Variants in PHF8 observed in about 807,000 individuals in gnomAD.
The protein encoded by PHF8 is PHD finger protein 8, also known as histone lysine demethylase PHF8.
Under a neutral mutation model 74.4 loss-of-function variants are expected in PHF8, and 9 were observed. That is an observed-to-expected ratio of 0.12 (90% confidence interval 0.07 to 0.21). The LOEUF (loss-of-function observed/expected upper bound fraction) is 0.21, where lower values mean the gene tolerates loss of function less well. Ranked by LOEUF, PHF8 falls within the 10% of genes least tolerant of loss-of-function variation. PHF8 has a pLI of 1.00. For missense variants in PHF8, 478 were observed against 816.6 expected (o/e 0.59, Z 5.05); for synonymous variants, 311 against 316.6 (o/e 0.98, Z 0.19).
At chrX:54,044,942 T>C, upstream of PHF8, 2 of 1,070,688 alleles carry the variant, frequency 1.9e-6, no homozygotes, top group East Asian at 6.6e-5. Context: ...CGTTGTTGGT[T>C]CTTCCCCCTG....
Position 54,014,518 on chromosome X carries a change from T to C in PHF8, c.642A>G (p.Ser214=). The C allele has an allele frequency of 8.3e-7, 1 of 1,209,147 alleles. No homozygotes were observed. The change falls in exon 7 of 22, where the codon TCA becomes TCG. Residue 214 remains serine, a synonymous_variant. Transcript: ENST00000338154. ...CCTCTGGCCACAAGTTTTCGACCCA[T>C]GACAGCTTTCGAACAATCTTCGGTG... ...VETPKIVRKL[S]WVENLWPEEC... is the part of the protein sequence containing the mutation.
chrX:54,033,223 C>T (rs1557113059), intron 2 of PHF8, among the ~76,000 whole-genome samples: 1 of 110,902 alleles, frequency 9.0e-6, no homozygotes, highest in African/African-American at 3.3e-5. Context: ...GACATAATGC[C>T]CCAAATGTCC....
intron 19 of PHF8, among the ~76,000 whole-genome samples, chrX:53,946,481 T>C (rs2064833829): frequency 1.8e-5 from 2 of 112,335 alleles, no homozygotes; most frequent in Non-Finnish European, 3.8e-5. Flanking sequence ...GCAGACATTC[T>C]ACAAGATAAA....
At chrX:54,033,989 G>C (rs1557113290) in intron 2 of PHF8, among the ~76,000 whole-genome samples, 1 of 111,107 alleles carries the variant, frequency 9.0e-6, no homozygotes, top group African/African-American at 3.3e-5. Context: ...AGAAGATATA[G>C]AAAAGAATCT....
chrX:54,046,023 A>AC (rs782742144), upstream of PHF8, among the ~76,000 whole-genome samples: 44 of 108,544 alleles, frequency 4.1e-4, 1 homozygote, highest in South Asian at 0.017. Context: ...GTCATAGCTC[A>AC]CTGCACCCTA....
At chrX:54,019,394 T>C (rs2066127402) in intron 4 of PHF8, among the ~76,000 whole-genome samples, 1 of 107,965 alleles carries the variant, frequency 9.3e-6, no homozygotes, top group African/African-American at 3.4e-5. Flanking sequence ...GCTAGGGAGG[T>C]CAGGGCTGCA....
intron 14 of PHF8, among the ~76,000 whole-genome samples, chrX:53,989,256 G>A (rs187663739): frequency 9.3e-4 from 103 of 110,899 alleles, no homozygotes; most frequent in Non-Finnish European, 1.6e-3. Flanking sequence ...CCACTGCACC[G>A]GGCCACAATT....
At chrX:53,975,010 G>A (rs983959342) in intron 18 of PHF8, among the ~76,000 whole-genome samples, 1 of 111,456 alleles carries the variant, frequency 9.0e-6, no homozygotes, top group Non-Finnish European at 1.9e-5. Context: ...CATGGCACAC[G>A]TTTACCTATG....
At chrX:54,035,368 G>A (rs1557113775) in intron 2 of PHF8, among the ~76,000 whole-genome samples, 1 of 106,785 alleles carries the variant, frequency 9.4e-6, no homozygotes. Flanking sequence ...AAAAAAAAAA[G>A]GAAAAAGAAA....
chrX:54,014,490 A>T lies in PHF8; in HGVS notation c.670T>A (p.Cys224Ser). The change falls in exon 7 of 22, where the codon TGT (cysteine) becomes AGT (serine). Residue 224 changes from cysteine (C) to serine (S), a missense_variant. By Grantham distance (112) the Cys-to-Ser change is moderately radical (BLOSUM62 -1). Around this residue, in one of 9 missense-constraint regions of PHF8, gnomAD observed 70 missense variants for 234.1 expected, o/e 0.30. Transcript: ENST00000338154. ...TGTACATTGGGTCTCTCAAAGACACATTCCTCTGGCCACAAGTTTTCGACC... is the reference window on the plus strand; with the variant it reads ...TGTACATTGGGTCTCTCAAAGACACTTTCCTCTGGCCACAAGTTTTCGACC... The part of the protein sequence containing the change: ...SWVENLWPEE[C>S]VFERPNVQKY... 4 of 1,205,442 alleles carry T rather than the reference A, an allele frequency of 3.3e-6. No individual in the cohort carries two copies. Among genetic ancestry groups the T allele is most frequent in the Non-Finnish European group, 4.5e-6 (4 of 889,846 alleles).
intron 11 of PHF8, 180 bp downstream of exon 11, chrX:53,999,690 T>G (rs2065800459): frequency 2.3e-6 from 1 of 430,807 alleles, no homozygotes; most frequent in African/African-American, 2.5e-5. Context: ...TGTATTACTT[T>G]TTATCATCAG....
intron 8 of PHF8, among the ~76,000 whole-genome samples, chrX:54,003,813 ATCCATAAGCTGC>A (rs1193539342): frequency 4.5e-5 from 5 of 111,998 alleles, no homozygotes; most frequent in African/African-American, 1.6e-4. Context: ...AAGCTCTAGT[ATCCATAAGCTGC>A]TTCACACAGT....
intron 8 of PHF8, among the ~76,000 whole-genome samples, chrX:54,003,536 A>G (rs1452020850): frequency 9.0e-6 from 1 of 111,201 alleles, no homozygotes; most frequent in Non-Finnish European, 1.9e-5. Flanking sequence ...AGGCACCTGT[A>G]ATCCCAGCTA....
rs183349539 is a variant in PHF8 at position 54,039,836 on chromosome X, A to G, written c.98+2795T>C. The G allele has an allele frequency of 2.4e-3, 276 of 112,721 alleles. 1 individual carries two copies. The highest frequency in any genetic ancestry group is 6.7e-3 in the African/African-American group (207 of 31,122). 9.3% of individuals were successfully genotyped at this position (112,721 alleles called of 1,213,427 possible). A position where few individuals can be genotyped will look rare whatever the true frequency, so the allele number is the denominator to read the frequency against. Reference sequence around the variant, plus strand: ...GATATCAGAAATCAAGTTTAGCTGAATATTTAATGAACTGGCAATTACATT... The same window carrying G: ...GATATCAGAAATCAAGTTTAGCTGAGTATTTAATGAACTGGCAATTACATT... On this transcript the variant is annotated intron_variant, in intron 2 of 21. Coordinates refer to ENST00000338154, the MANE Select transcript of PHF8 (RefSeq NM_015107.3).
chrX:53,960,373 C>A (rs978278266), intron 19 of PHF8, among the ~76,000 whole-genome samples: 2 of 109,298 alleles, frequency 1.8e-5, no homozygotes, highest in Non-Finnish European at 3.8e-5. Flanking sequence ...CCGCACCTGG[C>A]CTAATTTCTC....
intron 11 of PHF8, among the ~76,000 whole-genome samples, chrX:53,998,780 T>C (rs1406745495): frequency 8.9e-6 from 1 of 111,853 alleles, no homozygotes; most frequent in African/African-American, 3.3e-5. Flanking sequence ...AATGTTCAGT[T>C]GGATAAATGG....
chrX:53,942,845 CTA>C (rs1295414138), intron 20 of PHF8: 2 of 746,802 alleles, frequency 2.7e-6, no homozygotes, highest in African/African-American at 4.7e-5. Flanking sequence ...ACTGAGGGGA[CTA>C]TGAGTATTGC....
intron 20 of PHF8, chrX:53,942,691 A>T: frequency 1.4e-6 from 1 of 734,823 alleles, no homozygotes; most frequent in Non-Finnish European, 1.6e-6. Flanking sequence ...TTGTAGAAGC[A>T]TATAGAAAAA....
Position 53,985,122 on chromosome X carries a change from G to A in PHF8, c.2235C>T (p.Ala745=). Residue 745 remains alanine, a synonymous_variant, in exon 18 of 22, where the codon GCC becomes GCT. Coordinates refer to ENST00000338154, the MANE Select transcript of PHF8 (RefSeq NM_015107.3). Reference sequence around the variant, plus strand: ...TTCGATCCTGTCCCCCAGTCCACCAGGCCTGCAGGCTAGAGGTAGCCGGTG... The same window carrying A: ...TTCGATCCTGTCCCCCAGTCCACCAAGCCTGCAGGCTAGAGGTAGCCGGTG... ...SSSPATSSLQ[A]WWTGGQDRSS... The A allele has an allele frequency of 1.7e-6, 2 of 1,209,382 alleles. No homozygotes were observed. Among genetic ancestry groups the A allele is most frequent in the East Asian group, 3.0e-5 (1 of 33,805 alleles).
Sources: gnomAD v4.1 joint callset for allele counts (sites outside exome capture counted in the v4.1 genomes callset) on GRCh38, gnomAD v4.1.1 for gene constraint, gnomAD v4.1.1 regional missense constraint, MANE v1.5 for transcripts, NCBI Gene and HGNC (gene_info 2026-07-23, HGNC 2026-07-21) for gene names.